Variants in ZFYVE28 observed in about 807,000 individuals in gnomAD.
ZFYVE28 encodes zinc finger FYVE-type containing 28, also known as lateral signaling target protein 2 homolog.
A neutral mutation model predicts 82.1 loss-of-function variants in ZFYVE28; 40 were observed. The observed-to-expected ratio is 0.49, with a 90% CI of 0.38 to 0.63. ZFYVE28 has a LOEUF of 0.63. ZFYVE28 is among the 30% of genes least tolerant of loss of function. ZFYVE28 has a pLI of 0.00. For synonymous variants in ZFYVE28, 612 were observed against 546.1 expected, an observed-to-expected ratio of 1.12 and a Z score of -1.68; for missense variants, 1,321 against 1,242.1, an observed-to-expected ratio of 1.06 and a Z score of -0.96.
rs1318835354 is a variant in ZFYVE28, at chr4:2,416,777, G to A, written c.39+1508C>T. 1.3e-5 allele frequency among the ~76,000 whole-genome samples: 2 copies of A among 150,538 alleles called. No homozygotes were observed. Among genetic ancestry groups the A allele is most frequent in the East Asian group, 4.0e-4 (2 of 5,056 alleles). On this transcript the variant is annotated intron_variant, in intron 1 of 12. Transcript: ENST00000290974. The surrounding 1 kb of genome is among the most constrained non-coding windows in gnomAD (Gnocchi z 4.6). The stretch of plus-strand genomic sequence containing the variant: ...TAGGGACAGGGAGGTTGGGAGCAGG[G>A]AGTGACGCCACAGGAACCCTGAATC...
chr4:2,300,928 T>C lies in ZFYVE28; in HGVS notation c.2051+3361A>G, dbSNP rs961750281. ...TCCAGATGCTCTCAGCTGAGGCAAA[T>C]ACCACCCTCTCCGTCTCAGTCTCTC... On this transcript the variant is annotated intron_variant, in intron 8 of 12. Coordinates refer to ENST00000290974, the MANE Select transcript of ZFYVE28 (RefSeq NM_020972.3). This position sits in a 1 kb window ranked among gnomAD's most constrained non-coding sequence, Gnocchi z 4.6. Among the ~76,000 whole-genome samples the C allele has an allele frequency of 1.3e-5, 2 of 151,910 alleles. No individual in the cohort carries two copies. Among genetic ancestry groups the C allele is most frequent in the Non-Finnish European group, 2.9e-5 (2 of 67,976 alleles).
intron 8 of ZFYVE28, among the ~76,000 whole-genome samples, chr4:2,291,980 G>A (rs1220977604): frequency 6.6e-6 from 1 of 152,168 alleles, no homozygotes; most frequent in Non-Finnish European, 1.5e-5. Context: ...GCTCCAGCAC[G>A]TCCTCCCAGG....
chr4:2,376,578 G>A lies in ZFYVE28; in HGVS notation c.40-22505C>T, dbSNP rs562441317. 1.6e-3 allele frequency among the ~76,000 whole-genome samples: 242 copies of A among 152,226 alleles called. 2 individuals are homozygous for A. The highest frequency in any genetic ancestry group is 0.01 in the Middle Eastern group (3 of 294). The stretch of plus-strand genomic sequence containing the variant: ...TCTTCACAGGGCAGCAGGAGAGAGA[G>A]TGAGTGCCAGCAGGGGAAATGCCAG... On this transcript the variant is annotated intron_variant, in intron 1 of 12. Transcript: ENST00000290974.
chr4:2,351,877 G>A (rs556853967), intron 2 of ZFYVE28, among the ~76,000 whole-genome samples: 18 of 152,298 alleles, frequency 1.2e-4, no homozygotes, highest in Middle Eastern at 3.4e-3. Flanking sequence ...GAAACACTTC[G>A]TTTATGGTTC....
intron 1 of ZFYVE28, among the ~76,000 whole-genome samples, chr4:2,360,108 G>A (rs922953117): frequency 4.6e-5 from 7 of 152,158 alleles, no homozygotes; most frequent in African/African-American, 1.2e-4. Flanking sequence ...GGGCTCTGAC[G>A]GTATAATTGC....
At chr4:2,322,731 T>G (rs1719280708) in intron 6 of ZFYVE28, among the ~76,000 whole-genome samples, 1 of 152,230 alleles carries the variant, frequency 6.6e-6, no homozygotes, top group Admixed American at 6.5e-5. Context: ...AAAACACCCT[T>G]TTAATAATCA....
chr4:2,326,237 G>T (rs555395481), intron 6 of ZFYVE28, among the ~76,000 whole-genome samples: 1 of 152,094 alleles, frequency 6.6e-6, no homozygotes, highest in Admixed American at 6.5e-5. Flanking sequence ...TTTTTATATG[G>T]TGTGAGATAA....
intron 1 of ZFYVE28, among the ~76,000 whole-genome samples, chr4:2,374,797 C>T (rs768571183): frequency 2.0e-5 from 3 of 152,226 alleles, no homozygotes; most frequent in Non-Finnish European, 4.4e-5. Flanking sequence ...CATCTCCCCA[C>T]CTTTGGGCAG....
chr4:2,387,750 T>C (rs924583677), intron 1 of ZFYVE28, among the ~76,000 whole-genome samples: 2 of 152,164 alleles, frequency 1.3e-5, no homozygotes, highest in Non-Finnish European at 2.9e-5. Context: ...AAGTTACTGT[T>C]CTGGGGGAAT....
intron 1 of ZFYVE28, among the ~76,000 whole-genome samples, chr4:2,360,306 C>T (rs947300693): frequency 2.0e-5 from 3 of 151,932 alleles, no homozygotes; most frequent in African/African-American, 7.3e-5. Context: ...AATACCCTGC[C>T]GCTGTACCTT....
intron 1 of ZFYVE28, among the ~76,000 whole-genome samples, chr4:2,370,846 T>C (rs1003910993): frequency 6.6e-6 from 1 of 152,118 alleles, no homozygotes; most frequent in Non-Finnish European, 1.5e-5. Flanking sequence ...CTGACTGCCC[T>C]CAGGAGGGAT....
chr4:2,355,260 ATATATATATAT>A lies in ZFYVE28; in HGVS notation c.40-1198_40-1188del, dbSNP rs1725125107. Among the ~76,000 whole-genome samples the A allele has an allele frequency of 2.5e-3, 34 of 13,522 alleles. 3 individuals carry two copies. The highest frequency in any genetic ancestry group is 3.5e-3 in the African/African-American group (10 of 2,872). 8.9% of individuals were successfully genotyped at this position (13,522 alleles called of 152,430 possible). On this transcript the variant is annotated intron_variant, in intron 1 of 12. Coordinates refer to ENST00000290974, the MANE Select transcript of ZFYVE28 (RefSeq NM_020972.3). Reference sequence around the variant, plus strand: ...TATATATATATATATATATATATATATATATATATATAATGATTCTTCTTTTTTTTTTTTTT... The same window carrying A: ...TATATATATATATATATATATATATAAATGATTCTTCTTTTTTTTTTTTTT...
intron 1 of ZFYVE28, among the ~76,000 whole-genome samples, chr4:2,382,984 G>C (rs1728881194): frequency 6.6e-6 from 1 of 152,074 alleles, no homozygotes; most frequent in South Asian, 2.1e-4. Flanking sequence ...AAAAGCATGG[G>C]AAAGGCCAGC....
chr4:2,355,248 A>G (rs1395009844), intron 1 of ZFYVE28, among the ~76,000 whole-genome samples: 3 of 21,804 alleles, frequency 1.4e-4, no homozygotes, highest in Non-Finnish European at 2.3e-4. Context: ...ATATATATAT[A>G]TATATATATA....
chr4:2,373,777 T>C (rs1017524746), intron 1 of ZFYVE28, among the ~76,000 whole-genome samples: 3 of 152,188 alleles, frequency 2.0e-5, no homozygotes, highest in African/African-American at 4.8e-5. Flanking sequence ...AGAGATGATG[T>C]GAGCAGCATA....
At chr4:2,338,408 T>C (rs1368653573) in intron 4 of ZFYVE28, among the ~76,000 whole-genome samples, 2 of 152,110 alleles carry the variant, frequency 1.3e-5, no homozygotes, top group South Asian at 2.1e-4. Flanking sequence ...CTGGCCAACA[T>C]GGTAAAACCC....
chr4:2,404,541 A>G (rs984355661), intron 1 of ZFYVE28, among the ~76,000 whole-genome samples: 1 of 152,204 alleles, frequency 6.6e-6, no homozygotes, highest in Non-Finnish European at 1.5e-5. Context: ...ATGCTAACAC[A>G]TGCTACAACA....
intron 1 of ZFYVE28, among the ~76,000 whole-genome samples, chr4:2,402,924 C>G (rs756795511): frequency 2.6e-5 from 4 of 152,226 alleles, no homozygotes; most frequent in African/African-American, 7.2e-5. Context: ...CTAACACCAG[C>G]ATGGTCTTCA....
At chr4:2,298,756 T>A (rs1265696578) in intron 8 of ZFYVE28, among the ~76,000 whole-genome samples, 1 of 152,170 alleles carries the variant, frequency 6.6e-6, no homozygotes, top group African/African-American at 2.4e-5. Flanking sequence ...AGTGACAGGC[T>A]CTGAGACCTC....
Sources: gnomAD v4.1 joint callset for allele counts (sites outside exome capture counted in the v4.1 genomes callset) on GRCh38, gnomAD v4.1.1 for gene constraint, Gnocchi (gnomAD v3.1) non-coding constraint, MANE v1.5 for transcripts, NCBI Gene and HGNC (gene_info 2026-07-23, HGNC 2026-07-21) for gene names.